The following SRPK2 variants were observed in gnomAD, a reference collection of about 807,000 sequenced individuals.
SRPK2 encodes the protein SRSF protein kinase 2.
In SRPK2, 21 loss-of-function variants were observed where a neutral mutation model predicts 90.8. The ratio of observed to expected loss-of-function variants is 0.23; its 90% CI spans 0.16 to 0.33. The LOEUF is 0.33. Ranked by LOEUF, SRPK2 falls within the 10% of genes least tolerant of loss-of-function variation. The pLI, the probability that SRPK2 is intolerant of heterozygous loss-of-function variation, is 1.00. For missense variants in SRPK2, 620 were observed against 869.0 expected (o/e 0.71, Z 3.60); for synonymous variants, 288 against 311.1 (o/e 0.93, Z 0.78).
chr7:105,134,313 G>A (rs755425042), intron 11 of SRPK2, among the ~76,000 whole-genome samples: 1 of 152,098 alleles, frequency 6.6e-6, no homozygotes, highest in Non-Finnish European at 1.5e-5. Flanking sequence ...CACGAGATCT[G>A]GTTGTTTAAA....
intron 11 of SRPK2, among the ~76,000 whole-genome samples, chr7:105,136,061 G>A (rs1317100103): frequency 6.6e-6 from 1 of 152,088 alleles, no homozygotes; most frequent in Non-Finnish European, 1.5e-5. Flanking sequence ...CACCGCACCT[G>A]GCCTAAATTC....
chr7:105,248,479 C>T (rs1802026466), intron 2 of SRPK2, among the ~76,000 whole-genome samples: 1 of 148,750 alleles, frequency 6.7e-6, no homozygotes, highest in Non-Finnish European at 1.5e-5. Context: ...TGGTGTGCAC[C>T]TATAGTCTCA....
At chr7:105,369,731 A>G (rs113255441) in intron 2 of SRPK2, among the ~76,000 whole-genome samples, 1 of 152,152 alleles carries the variant, frequency 6.6e-6, no homozygotes, top group Non-Finnish European at 1.5e-5. Context: ...AAGATTCCCC[A>G]TAAAAGTGAC....
At position 105,348,068 on chromosome 7, in the gene SRPK2, CTT is replaced by C. The variant is rs770159031; in HGVS notation, c.71+40578_71+40579del. Among the ~76,000 whole-genome samples the C allele has an allele frequency of 1.1e-3, 88 of 80,990 alleles. 1 individual carries two copies. The highest frequency in any genetic ancestry group is 3.9e-3 in the African/African-American group (79 of 20,060). The allele number at this position is 80,990 out of a possible 152,430, so 53.1% of individuals were successfully genotyped here. On this transcript the variant is annotated intron_variant, in intron 2 of 15. Transcript: ENST00000393651. The stretch of plus-strand genomic sequence containing the variant: ...AATGAGAATATGGCTGCTTGGCAAA[CTT>C]TTTTTTTTTTTTTTTTTTTTTTTGA...
At chr7:105,172,486 C>G (rs1378090261) in intron 3 of SRPK2, among the ~76,000 whole-genome samples, 3 of 152,166 alleles carry the variant, frequency 2.0e-5, no homozygotes, top group African/African-American at 7.2e-5. Flanking sequence ...ACAGAAAATG[C>G]TGCATATTCC....
At chr7:105,336,623 A>T (rs1345626739) in intron 2 of SRPK2, among the ~76,000 whole-genome samples, 3 of 152,178 alleles carry the variant, frequency 2.0e-5, no homozygotes, top group Non-Finnish European at 4.4e-5. Context: ...TCTCCTCTAA[A>T]TTCCTTTTTC....
intron 15 of SRPK2, among the ~76,000 whole-genome samples, chr7:105,122,693 T>C (rs901894315): frequency 3.3e-5 from 5 of 152,180 alleles, no homozygotes; most frequent in African/African-American, 4.8e-5. Context: ...ACATTTCTCT[T>C]GATGTTGTCC....
At chr7:105,169,286 G>T (rs199958482) in intron 3 of SRPK2, 21 bp from the exon 4 acceptor site, 9 of 1,578,774 alleles carry the variant, frequency 5.7e-6, no homozygotes, top group Admixed American at 1.7e-5. Context: ...AAGAAAGAAA[G>T]AAAAAAATTC....
intron 2 of SRPK2, among the ~76,000 whole-genome samples, chr7:105,340,270 G>C (rs1048089226): frequency 3.4e-5 from 3 of 89,342 alleles, no homozygotes; most frequent in Non-Finnish European, 5.4e-5. Flanking sequence ...ACTATTTCAA[G>C]AAAAAGCCAA....
chr7:105,124,657 A>AAAAAAAAAAAAC, intron 15 of SRPK2, among the ~76,000 whole-genome samples: 1 of 150,306 alleles, frequency 6.7e-6, no homozygotes, highest in African/African-American at 2.5e-5. Context: ...AAAAAAAAAA[A>AAAAAAAAAAAAC]AATCAATGTG....
At chr7:105,125,735 T>C (rs1252043321) in intron 15 of SRPK2, 1 of 868,746 alleles carries the variant, frequency 1.2e-6, no homozygotes, top group Non-Finnish European at 1.6e-6. Context: ...ATTTCTCCTT[T>C]TGGGAGAAGA....
intron 3 of SRPK2, among the ~76,000 whole-genome samples, chr7:105,170,912 A>AAAGAAAGAAAGAAAGAAAGAAAGG: frequency 8.1e-6 from 1 of 123,566 alleles, no homozygotes; most frequent in Non-Finnish European, 1.7e-5. Context: ...AGAAAGAAAG[A>AAAGAAAGAAAGAAAGAAAGAAAGG]AAGGAGAAAG....
At chr7:105,179,756 C>CCATCTCAA in intron 3 of SRPK2, among the ~76,000 whole-genome samples, 1 of 130,882 alleles carries the variant, frequency 7.6e-6, no homozygotes, top group African/African-American at 3.0e-5. Context: ...ACCCAGGAGG[C>CCATCTCAA]AGAGGTTGCA....
Position 105,142,210 on chromosome 7 carries a change from A to G in SRPK2, c.1341T>C (p.Gly447=). The change falls in exon 11 of 16, where the codon GGT becomes GGC. Residue 447 remains glycine, a synonymous_variant. Transcript: ENST00000393651. ...TYSSSYEQFN[G]ELPNGRHKIP... ...TTTTATGTCGTCCATTTGGCAATTC[A>G]CCATTGAATTGTTCATAGGAGCTGC... 2.5e-6 allele frequency: 4 copies of G among 1,613,988 alleles called. No individual in the cohort carries two copies. Among genetic ancestry groups the G allele is most frequent in the Non-Finnish European group, 3.4e-6 (4 of 1,180,008 alleles).
At chr7:105,265,932 T>G (rs945596072) in intron 2 of SRPK2, among the ~76,000 whole-genome samples, 8 of 152,092 alleles carry the variant, frequency 5.3e-5, no homozygotes, top group African/African-American at 1.9e-4. Context: ...TGAGTTTTTT[T>G]CTCTCTCTTC....
Position 105,331,308 on chromosome 7 carries a change from C to CAAAAAAAAAAAAAAAAAAAAAAAA in SRPK2, c.71+57316_71+57339dup, listed in dbSNP as rs57653042. On this transcript the variant is annotated intron_variant, in intron 2 of 15. Coordinates refer to ENST00000393651, the MANE Select transcript of SRPK2 (RefSeq NM_182692.3). ...TGGGCGACAGAGCGAGACTCCGTCT[C>CAAAAAAAAAAAAAAAAAAAAAAAA]AAAAAAAAAAAAAAAAAAAAAAAAA... Among the ~76,000 whole-genome samples the CAAAAAAAAAAAAAAAAAAAAAAAA allele has an allele frequency of 1.1e-4, 5 of 45,106 alleles. 2 individuals are homozygous for CAAAAAAAAAAAAAAAAAAAAAAAA. Among genetic ancestry groups the CAAAAAAAAAAAAAAAAAAAAAAAA allele is most frequent in the South Asian group, 7.3e-4 (1 of 1,378 alleles). The allele number at this position is 45,106 out of a possible 152,430, so 29.6% of individuals were successfully genotyped here. A position where few individuals can be genotyped will look rare whatever the true frequency, so the allele number is the denominator to read the frequency against.
At chr7:105,155,238 T>C (rs1806331200) in intron 7 of SRPK2, among the ~76,000 whole-genome samples, 2 of 152,052 alleles carry the variant, frequency 1.3e-5, no homozygotes, top group South Asian at 4.1e-4. Flanking sequence ...CACCTCAACC[T>C]CCCAAAGTGC....
chr7:105,172,398 C>T (rs903375226), intron 3 of SRPK2, among the ~76,000 whole-genome samples: 9 of 152,230 alleles, frequency 5.9e-5, no homozygotes, highest in South Asian at 2.1e-4. Context: ...GTTTGAGAAA[C>T]GCAGTGTTGA....
At chr7:105,337,050 C>T (rs1462135791) in intron 2 of SRPK2, among the ~76,000 whole-genome samples, 7 of 152,034 alleles carry the variant, frequency 4.6e-5, no homozygotes, top group Non-Finnish European at 1.0e-4. Flanking sequence ...GAGCCACCCA[C>T]CTCGGCCTCC....
Sources: gnomAD v4.1 joint callset for allele counts (sites outside exome capture counted in the v4.1 genomes callset) on GRCh38, gnomAD v4.1.1 for gene constraint, MANE v1.5 for transcripts, NCBI Gene and HGNC (gene_info 2026-07-23, HGNC 2026-07-21) for gene names.